HEATR5A: variants seen among roughly 807,000 people sequenced by gnomAD.
The protein encoded by HEATR5A is HEAT repeat-containing protein 5A.
HEATR5A carries 178 observed loss-of-function variants against 218.8 expected under a neutral mutation model. That is an observed-to-expected ratio of 0.81 (90% confidence interval 0.72 to 0.92). HEATR5A has a LOEUF of 0.92. Ranked by LOEUF, HEATR5A falls within the 40% of genes least tolerant of loss-of-function variation. HEATR5A has a pLI of 0.00. For synonymous variants in HEATR5A, 864 were observed against 871.6 expected, an observed-to-expected ratio of 0.99 and a Z score of 0.15; for missense variants, 2,420 against 2,418.9, an observed-to-expected ratio of 1.00 and a Z score of -0.01.
chr14:31,318,045 A>G (rs1899967639), intron 26 of HEATR5A, among the ~76,000 whole-genome samples, 179 bp downstream of exon 26: 1 of 152,204 alleles, frequency 6.6e-6, no homozygotes, highest in Non-Finnish European at 1.5e-5. Context: ...ATAAATTATA[A>G]CATATCTATA....
rs779860870 is a variant in HEATR5A, at chr14:31,387,324, A to C, written c.985T>G (p.Phe329Val). ...TLGGAWLEKN[F>V]AAFFSHILSL... Reference sequence around the variant, plus strand: ...AGGATATGAGAAAAAAAGGCAGCAAAATTTTTCTCTAGCCAAGCTCCTCCT... The same window carrying C: ...AGGATATGAGAAAAAAAGGCAGCAACATTTTTCTCTAGCCAAGCTCCTCCT... The change falls in exon 8 of 36, where the codon TTT becomes GTT. Residue 329 changes from phenylalanine to valine, a missense_variant. Physicochemically the swap from Phe to Val is conservative, Grantham distance 50. Transcript: ENST00000543095. 6.2e-7 allele frequency: 1 copy of C among 1,613,846 alleles called. No homozygotes were observed. Among genetic ancestry groups the C allele is most frequent in the Non-Finnish European group, 8.5e-7 (1 of 1,179,774 alleles).
chr14:31,323,399 T>C (rs1371314913), intron 24 of HEATR5A, among the ~76,000 whole-genome samples, 166 bp downstream of exon 24: 1 of 152,140 alleles, frequency 6.6e-6, no homozygotes, highest in Non-Finnish European at 1.5e-5. Context: ...TGGGCTCAAG[T>C]GATCCTCCTG....
Position 31,318,271 on chromosome 14 carries a change from C to G in HEATR5A, c.3991G>C (p.Ala1331Pro), listed in dbSNP as rs751729022. ...TCAGGTGGTGTCTCTGAAGTGAAGG[C>G]TGGTCTAAGCGCTGCTCCTACCTGG... ...QANVGAALRP[A>P]FTSETPPDVT... is the part of the protein sequence containing the mutation. Residue 1331 changes from alanine (A) to proline (P), a missense_variant, in exon 26 of 36, where the codon GCC (alanine) becomes CCC (proline). Ala to Pro is a conservative substitution (Grantham distance 27, BLOSUM62 -1). Coordinates refer to ENST00000543095, the MANE Select transcript of HEATR5A (RefSeq NM_015473.4). 9 of 1,613,862 alleles carry G rather than the reference C, an allele frequency of 5.6e-6. No individual in the cohort carries two copies. In the East Asian group the frequency reaches 1.6e-4, roughly 28 times the overall value.
In HEATR5A at chr14:31,411,069, T is replaced by G. The variant is rs1227982299; in HGVS notation, c.-74-8020A>C. ...CTAAATATGAAAAATGCAAAAACTT[T>G]TATAGCCAATGCTGAAATTTTAGAA... On this transcript the variant is annotated intron_variant, in intron 1 of 35. Transcript: ENST00000543095. Among the ~76,000 whole-genome samples the G allele has an allele frequency of 4.6e-5, 7 of 152,248 alleles. No homozygotes were observed. In the East Asian group the frequency reaches 1.3e-3, roughly 29 times the overall value.
chr14:31,398,667 A>T lies in HEATR5A; in HGVS notation c.447+6T>A. 7.1e-7 allele frequency: 1 copy of T among 1,407,368 alleles called. No homozygotes were observed. Among genetic ancestry groups the T allele is most frequent in the Non-Finnish European group, 9.7e-7 (1 of 1,032,538 alleles). 87.2% of individuals were successfully genotyped at this position (1,407,368 alleles called of 1,614,324 possible). A position where few individuals can be genotyped will look rare whatever the true frequency, so the allele number is the denominator to read the frequency against. ...TCATTCTTTGGCTGAACTTGTAATT[A>T]CTTACCTCTGCACTCTTCATAGCTT... is the stretch of plus-strand genomic sequence containing the variant. On this transcript the variant is annotated splice_donor_region_variant and intron_variant, in intron 4 of 35. Transcript: ENST00000543095.
At chr14:31,301,428 A>G (rs1026388509) in intron 33 of HEATR5A, among the ~76,000 whole-genome samples, 4 of 151,968 alleles carry the variant, frequency 2.6e-5, no homozygotes, top group African/African-American at 9.7e-5. Context: ...ACGAAAAACA[A>G]GTTTTAATGG....
chr14:31,381,616 T>C (rs1002684006), intron 10 of HEATR5A, among the ~76,000 whole-genome samples: 1 of 149,056 alleles, frequency 6.7e-6, no homozygotes, highest in Non-Finnish European at 1.5e-5. Flanking sequence ...GATCCTATCT[T>C]CACAAAAAAA....
rs188347838 is a variant in HEATR5A at position 31,377,265 on chromosome 14, G to C, written c.1709-2297C>G. On this transcript the variant is annotated intron_variant, in intron 11 of 35. Transcript: ENST00000543095. Reference sequence around the variant, plus strand: ...TTGCATGCAAAAACACATTATCAAAGAATACTAGGTTCACGTTAAAAGGAC... The same window carrying C: ...TTGCATGCAAAAACACATTATCAAACAATACTAGGTTCACGTTAAAAGGAC... 1.6e-3 allele frequency among the ~76,000 whole-genome samples: 250 copies of C among 151,758 alleles called. 1 individual carries two copies. Among genetic ancestry groups the C allele is most frequent in the South Asian group, 3.3e-3 (16 of 4,814 alleles).
intron 33 of HEATR5A, among the ~76,000 whole-genome samples, chr14:31,299,359 T>C (rs1252888012): frequency 6.6e-6 from 1 of 152,258 alleles, no homozygotes; most frequent in Non-Finnish European, 1.5e-5. Flanking sequence ...TTTGGCTTTC[T>C]TCTTTACACT....
rs61738370 is a variant in HEATR5A at position 31,304,982 on chromosome 14, A to G, written c.5162T>C (p.Leu1721Pro). The G allele has an allele frequency of 5.9e-4, 950 of 1,613,990 alleles. 6 individuals are homozygous for G. In the African/African-American group the frequency reaches 0.011, roughly 18 times the overall value. ...PGVKATKPQI[L>P]LEDGSRLVSA... The stretch of plus-strand genomic sequence containing the variant: ...AACCAATCTACTTCCATCTTCTAAT[A>G]GTATCTGTGGCTTCGTAGCTTTTAC... The change falls in exon 32 of 36, where the codon CTA (leucine) becomes CCA (proline). Residue 1721 changes from leucine (L) to proline (P), a missense_variant. By Grantham distance (98) the Leu-to-Pro change is moderately conservative. Transcript: ENST00000543095.
chr14:31,339,589 G>A (rs117223178), intron 21 of HEATR5A, among the ~76,000 whole-genome samples: 248 of 151,838 alleles, frequency 1.6e-3, no homozygotes, highest in South Asian at 9.4e-3. Context: ...TGTTGTTGTT[G>A]TTGTTGTTTT....
chr14:31,348,398 A>G (rs1595123164), intron 18 of HEATR5A, among the ~76,000 whole-genome samples: 1 of 151,952 alleles, frequency 6.6e-6, no homozygotes, highest in East Asian at 1.9e-4. Flanking sequence ...CAACATAATG[A>G]GACCCTGTCT....
chr14:31,331,873 G>A (rs1355384804), intron 22 of HEATR5A, among the ~76,000 whole-genome samples: 1 of 152,146 alleles, frequency 6.6e-6, no homozygotes, highest in Non-Finnish European at 1.5e-5. Flanking sequence ...AGACCACCAT[G>A]TGGAAAACCG....
At chr14:31,411,305 T>C (rs1352633624) in intron 1 of HEATR5A, among the ~76,000 whole-genome samples, 1 of 132,126 alleles carries the variant, frequency 7.6e-6, no homozygotes, top group Non-Finnish European at 1.6e-5. Flanking sequence ...TCAAAAGAAC[T>C]TACAAGTCCA....
intron 25 of HEATR5A, among the ~76,000 whole-genome samples, chr14:31,319,894 A>G (rs889763892): frequency 1.3e-5 from 2 of 151,908 alleles, no homozygotes; most frequent in African/African-American, 2.4e-5. Flanking sequence ...AAAAACACAA[A>G]AATTAGCCGA....
intron 16 of HEATR5A, among the ~76,000 whole-genome samples, chr14:31,354,096 G>A (rs1461803472): frequency 6.6e-6 from 1 of 151,104 alleles, no homozygotes; most frequent in Non-Finnish European, 1.5e-5. Context: ...ACTGCGCCTG[G>A]CCGGCATTTT....
intron 21 of HEATR5A, chr14:31,340,472 A>G: frequency 7.8e-6 from 10 of 1,288,802 alleles, no homozygotes; most frequent in Non-Finnish European, 1.0e-5. Flanking sequence ...ATCCAACAAG[A>G]TCTCCTGCAC....
intron 23 of HEATR5A, chr14:31,325,926 A>T: frequency 1.8e-6 from 1 of 552,526 alleles, no homozygotes; most frequent in East Asian, 3.1e-5. Context: ...TATATAGGAA[A>T]GTCATCTAAG....
Position 31,381,016 on chromosome 14 carries a change from A to C in HEATR5A, c.1597-438T>G, listed in dbSNP as rs146382979. On this transcript the variant is annotated intron_variant, in intron 10 of 35. Transcript: ENST00000543095. ...GTAATCCCAGCACTTTGGGAGGCTG[A>C]GGCGGGTGGATCACAAAGTCAGGAG... Among the ~76,000 whole-genome samples the C allele has an allele frequency of 8.7e-3, 1,328 of 152,336 alleles. 17 individuals carry two copies. Among genetic ancestry groups the C allele is most frequent in the African/African-American group, 0.03 (1,238 of 41,590 alleles).
Sources: gnomAD v4.1 joint callset for allele counts (sites outside exome capture counted in the v4.1 genomes callset) on GRCh38, gnomAD v4.1.1 for gene constraint, MANE v1.5 for transcripts, NCBI Gene and HGNC (gene_info 2026-07-23, HGNC 2026-07-21) for gene names.